The following ATG2A variants were observed in gnomAD, a reference collection of about 807,000 sequenced individuals.
ATG2A encodes autophagy related 2A.
ATG2A carries 103 observed loss-of-function variants against 214.2 expected under a neutral mutation model. The ratio of observed to expected loss-of-function variants is 0.48; its 90% CI spans 0.41 to 0.57. The LOEUF (loss-of-function observed/expected upper bound fraction) is 0.57. Ranked by LOEUF, ATG2A falls within the 20% of genes least tolerant of loss-of-function variation. The probability of loss-of-function intolerance (pLI) is 0.00; values close to 1 mark genes in which losing one functional copy is unlikely to be tolerated. For synonymous variants in ATG2A, 1,160 were observed against 1,142.1 expected (o/e 1.02, Z -0.32); for missense variants, 2,312 against 2,613.2 (o/e 0.88, Z 2.51).
rs1944891759 is a variant in ATG2A, at chr11:64,914,240, G to C, written c.335-7C>G. On this transcript the variant is annotated splice_region_variant and splice_polypyrimidine_tract_variant and intron_variant, in intron 2 of 40. Coordinates refer to ENST00000377264, the MANE Select transcript of ATG2A (RefSeq NM_015104.3). ...GAGTCGGCAGCCCCTGGCGCTGTAG[G>C]GAGAAACAGGGTCTCAAGGCAGGCA... is the stretch of plus-strand genomic sequence containing the variant. 6.4e-7 allele frequency: 1 copy of C among 1,551,006 alleles called. No individual in the cohort carries two copies. Among genetic ancestry groups the C allele is most frequent in the Admixed American group, 2.0e-5 (1 of 51,232 alleles).
chr11:64,903,299 C>T lies in ATG2A; in HGVS notation c.3601G>A (p.Glu1201Lys), dbSNP rs759628876. The change falls in exon 26 of 41, where the codon GAG becomes AAG. Residue 1201 changes from glutamate (E) to lysine (K), a missense_variant. Coordinates refer to ENST00000377264, the MANE Select transcript of ATG2A (RefSeq NM_015104.3). The surrounding 1 kb of genome is among the most constrained non-coding windows in gnomAD (Gnocchi z 4.2). The stretch of plus-strand genomic sequence containing the variant: ...ACAGCCTCACTCACCAGTTTGCCCT[C>T]GGTGCTCCCTTTCCAGGTTTTAATC... ...LVIKTWKGSTEGKLSQPLFEL... is the reference protein window; with the variant it reads ...LVIKTWKGSTKGKLSQPLFEL... 20 of 1,613,836 alleles carry T rather than the reference C, an allele frequency of 1.2e-5. No homozygotes were observed. The highest frequency in any genetic ancestry group is 6.7e-5 in the East Asian group (3 of 44,890).
chr11:64,913,070 A>G lies in ATG2A; in HGVS notation c.793T>C (p.Leu265=), dbSNP rs751811913. 1.6e-5 allele frequency: 25 copies of G among 1,570,376 alleles called. No homozygotes were observed. Among genetic ancestry groups the G allele is most frequent in the Non-Finnish European group, 2.0e-5 (23 of 1,157,108 alleles). Residue 265 remains leucine (L), a synonymous_variant, in exon 6 of 41, where the codon TTG becomes CTG. Coordinates refer to ENST00000377264, the MANE Select transcript of ATG2A (RefSeq NM_015104.3). This position sits in a 1 kb window ranked among gnomAD's most constrained non-coding sequence, Gnocchi z 4.3. ...CCAGGGAAGGCCTCATTTTGCTTCA[A>G]CTTCACCATCAGCTCCATGTACCCT... The part of the protein sequence containing the change: ...CSGYMELMVK[L]KQNEAFPGPK...
Position 64,917,159 on chromosome 11 carries a change from C to T in ATG2A, c.-24G>A. 6.4e-7 allele frequency: 1 copy of T among 1,572,012 alleles called. No homozygotes were observed. Among genetic ancestry groups the T allele is most frequent in the Non-Finnish European group, 8.6e-7 (1 of 1,158,490 alleles). On this transcript the variant is annotated 5_prime_UTR_variant, in exon 1 of 41. Coordinates refer to ENST00000377264, the MANE Select transcript of ATG2A (RefSeq NM_015104.3). The stretch of plus-strand genomic sequence containing the variant: ...ATCTCGGAGACCGCCGGGCCTGGGC[C>T]GCCTCCGCTTGCCGCCCGCCGGCGA...
rs1360056108 is a variant in ATG2A, at chr11:64,907,841, G to T, written c.2414C>A (p.Thr805Asn). Reference protein sequence around the residue: ...PEEMRTFQSRTLALSRCSLEV... With the variant: ...PEEMRTFQSRNLALSRCSLEV... ...CAGGCTGCAGCGGGACAGTGCCAGG[G>T]TCCGGCTCTGGAACGTCCTCATCTC... The change falls in exon 17 of 41, where the codon ACC (threonine) becomes AAC (asparagine). Residue 805 changes from threonine (T) to asparagine (N), a missense_variant. Thr to Asn is a moderately conservative substitution (Grantham distance 65, BLOSUM62 0). Transcript: ENST00000377264. 1 of 1,613,260 alleles carries T rather than the reference G, an allele frequency of 6.2e-7. No individual in the cohort carries two copies. Among genetic ancestry groups the T allele is most frequent in the Admixed American group, 1.7e-5 (1 of 59,966 alleles).
rs143869675 is a variant in ATG2A at position 64,914,492 on chromosome 11, G to A, written c.180C>T (p.Asn60=). 55 of 1,612,358 alleles carry A rather than the reference G, an allele frequency of 3.4e-5. No individual in the cohort carries two copies. The highest frequency in any genetic ancestry group is 3.3e-4 in the African/African-American group (25 of 75,038). The part of the protein sequence containing the change: ...RDIHLEIWSV[N]EVLESMESPL... ...GTGACTCCATTGACTCCAGCACCTC[G>A]TTCACAGACTGGGAGCAAGCAAGAG... Residue 60 remains asparagine (N), a synonymous_variant, in exon 2 of 41, where the codon AAC becomes AAT. Transcript: ENST00000377264.
chr11:64,913,302 T>C lies in ATG2A; in HGVS notation c.690A>G (p.Ala230=), dbSNP rs1250816550. 1.9e-6 allele frequency: 3 copies of C among 1,610,264 alleles called. No individual in the cohort carries two copies. The highest frequency in any genetic ancestry group is 2.5e-6 in the Non-Finnish European group (3 of 1,179,142). The part of the protein sequence containing the change: ...PAFLHKLLQL[A]GVRLHYEELP... ...GCTCCTCGTAGTGCAGGCGGACCCCTGCCAGCTGCAGCAGCTTGTGCAGGA... is the reference window on the plus strand; with the variant it reads ...GCTCCTCGTAGTGCAGGCGGACCCCCGCCAGCTGCAGCAGCTTGTGCAGGA... The change falls in exon 5 of 41, where the codon GCA becomes GCG. Residue 230 remains alanine, a synonymous_variant. Coordinates refer to ENST00000377264, the MANE Select transcript of ATG2A (RefSeq NM_015104.3). The surrounding 1 kb of genome is among the most constrained non-coding windows in gnomAD (Gnocchi z 4.3).
At position 64,905,663 on chromosome 11, in the gene ATG2A, T is replaced by C. The variant is rs199724367; in HGVS notation, c.3372-8A>G. On this transcript the variant is annotated splice_region_variant and splice_polypyrimidine_tract_variant and intron_variant, in intron 23 of 40. Coordinates refer to ENST00000377264, the MANE Select transcript of ATG2A (RefSeq NM_015104.3). ...ACTGGGAGGTAGAGTGGCCTGGGGG[T>C]GATACTCGGGCTGGGGCCGGCTCCT... 374 of 1,613,316 alleles carry C rather than the reference T, an allele frequency of 2.3e-4. 1 individual carries two copies. The East Asian group carries it at 7.4e-3, about 32-fold the overall frequency.
In ATG2A at chr11:64,903,731, G is replaced by A. The variant is rs769987701; in HGVS notation, c.3465-71C>T. 1.9e-4 allele frequency: 268 copies of A among 1,444,802 alleles called. No homozygotes were observed. The highest frequency in any genetic ancestry group is 2.4e-4 in the Non-Finnish European group (257 of 1,065,556). The allele number at this position is 1,444,802 out of a possible 1,614,324, so 89.5% of individuals were successfully genotyped here. Reference sequence around the variant, plus strand: ...GGCAGCTCCACGGGAGCCGAGCAGAGGGGTCCCAAGCCCACAGGAGGTGGT... The same window carrying A: ...GGCAGCTCCACGGGAGCCGAGCAGAAGGGTCCCAAGCCCACAGGAGGTGGT... On this transcript the variant is annotated intron_variant, in intron 24 of 40. Transcript: ENST00000377264. The surrounding 1 kb of genome is among the most constrained non-coding windows in gnomAD (Gnocchi z 4.2).
chr11:64,904,416 G>A (rs1944465342), intron 24 of ATG2A, among the ~76,000 whole-genome samples: 1 of 151,712 alleles, frequency 6.6e-6, no homozygotes, highest in African/African-American at 2.4e-5. Flanking sequence ...GTGGTGGTGG[G>A]TGCCTGTTGT....
chr11:64,911,749 G>A, intron 9 of ATG2A, 93 bp downstream of exon 9: 1 of 1,527,012 alleles, frequency 6.5e-7, no homozygotes. Flanking sequence ...AGGCATCGCT[G>A]GGGATTTCCT....
At chr11:64,900,025 ATTTTTTT>A (rs35952373) in intron 31 of ATG2A, among the ~76,000 whole-genome samples, 2 of 120,092 alleles carry the variant, frequency 1.7e-5, no homozygotes, top group African/African-American at 6.0e-5. Context: ...CAAATGGTTA[ATTTTTTT>A]TTTTTTTTTT....
At position 64,902,632 on chromosome 11, in the gene ATG2A, G is replaced by A. The variant is rs1944396939; in HGVS notation, c.3661C>T (p.His1221Tyr). 2 of 1,611,068 alleles carry A rather than the reference G, an allele frequency of 1.2e-6. No individual in the cohort carries two copies. The highest frequency in any genetic ancestry group is 1.7e-6 in the Non-Finnish European group (2 of 1,179,856). ...AGGGCACAGGAGTCGGCACAGCTGT[G>A]CACGTGTACCACATTGTTGGAGCAG... ...LRCSNNVVHV[H>Y]SCADSCALLV... The change falls in exon 27 of 41, where the codon CAC becomes TAC. Residue 1221 changes from histidine (H) to tyrosine (Y), a missense_variant. Coordinates refer to ENST00000377264, the MANE Select transcript of ATG2A (RefSeq NM_015104.3).
At position 64,907,439 on chromosome 11, in the gene ATG2A, G is replaced by C; in HGVS notation, c.2648C>G (p.Ala883Gly). The change falls in exon 19 of 41, where the codon GCC (alanine) becomes GGC (glycine). Residue 883 changes from alanine (A) to glycine (G), a missense_variant and splice_region_variant. Transcript: ENST00000377264. ...FKMCKSAFKL[A>G]NCFDLTPDSD... The stretch of plus-strand genomic sequence containing the variant: ...GTCTGGGGTGAGATCAAAGCAGTTG[G>C]CTGGGAAGGAGACCGCGAAGGGCTA... 1.3e-6 allele frequency: 2 copies of C among 1,599,900 alleles called. No individual in the cohort carries two copies. The highest frequency in any genetic ancestry group is 1.7e-6 in the Non-Finnish European group (2 of 1,173,296).
intron 6 of ATG2A, 160 bp downstream of exon 6, chr11:64,912,878 C>T: frequency 4.7e-6 from 3 of 632,658 alleles, no homozygotes; most frequent in East Asian, 5.8e-5. Context: ...CAGGTGTGAA[C>T]CCTGTGCCTG....
chr11:64,899,708 CCT>C (rs1393864047), intron 31 of ATG2A, among the ~76,000 whole-genome samples: 1 of 152,094 alleles, frequency 6.6e-6, no homozygotes, highest in Non-Finnish European at 1.5e-5. Flanking sequence ...ACTAGCCCTC[CCT>C]GATTGCTGCA....
rs369955628 is a variant in ATG2A at position 64,910,081 on chromosome 11, G to A, written c.1822C>T (p.Arg608Cys). The A allele has an allele frequency of 2.3e-4, 373 of 1,606,552 alleles. No individual in the cohort carries two copies. The highest frequency in any genetic ancestry group is 2.9e-4 in the Non-Finnish European group (345 of 1,177,776). ...GALDRLAALL[R>C]LATVPAEPPA... ...GGCTCAGCAGGTACGGTGGCCAGGC[G>A]CAGTAGGGCGGCCAGCCGGTCCAGG... The change falls in exon 13 of 41, where the codon CGC becomes TGC. Residue 608 changes from arginine (R) to cysteine (C), a missense_variant. Arg to Cys is a radical substitution (Grantham distance 180, BLOSUM62 -3). Transcript: ENST00000377264.
intron 6 of ATG2A, 126 bp from the exon 7 acceptor site, chr11:64,912,549 T>A: frequency 1.3e-6 from 1 of 755,368 alleles, no homozygotes; most frequent in Non-Finnish European, 2.1e-6. Flanking sequence ...TGTTACCAAC[T>A]AGCTCTATGA....
chr11:64,905,887 G>C, intron 22 of ATG2A, 39 bp from the exon 23 acceptor site: 2 of 1,584,576 alleles, frequency 1.3e-6, no homozygotes, highest in Non-Finnish European at 1.7e-6. Context: ...TGAGGATCAG[G>C]TGGTGTCCTC....
At position 64,910,886 on chromosome 11, in the gene ATG2A, C is replaced by A; in HGVS notation, c.1535G>T (p.Ser512Ile). 1 of 1,610,578 alleles carries A rather than the reference C, an allele frequency of 6.2e-7. No individual in the cohort carries two copies. The highest frequency in any genetic ancestry group is 8.5e-7 in the Non-Finnish European group (1 of 1,179,006). Residue 512 changes from serine to isoleucine, a missense_variant, in exon 11 of 41, where the codon AGC (serine) becomes ATC (isoleucine). Transcript: ENST00000377264. Reference sequence around the variant, plus strand: ...CAGCTGCCCGAAGTGCACTTCCATGCTGGTTGTCCGCCGGCCCCGACTGCC... The same window carrying A: ...CAGCTGCCCGAAGTGCACTTCCATGATGGTTGTCCGCCGGCCCCGACTGCC... ...RTGSRGRRTT[S>I]MEVHFGQLEV...
Sources: allele counts gnomAD v4.1 joint callset (sites outside exome capture counted in the v4.1 genomes callset), GRCh38; gene constraint gnomAD v4.1.1; non-coding constraint Gnocchi (gnomAD v3.1); transcripts MANE v1.5; gene names NCBI Gene and HGNC (gene_info 2026-07-23, HGNC 2026-07-21).